SCHIP1: variants seen among roughly 807,000 people sequenced by gnomAD.
SCHIP1 encodes schwannomin interacting protein 1, also known as schwannomin-interacting protein 1.
A neutral mutation model predicts 29.7 loss-of-function variants in SCHIP1; 8 were observed. That is an observed-to-expected ratio of 0.27 (90% CI 0.16 to 0.49). The LOEUF (loss-of-function observed/expected upper bound fraction) is 0.49. Ranked by LOEUF, SCHIP1 falls within the 20% of genes least tolerant of loss-of-function variation. The pLI, the probability that SCHIP1 is intolerant of heterozygous loss-of-function variation, is 0.99. For missense variants in SCHIP1, 193 were observed against 294.6 expected (o/e 0.66, Z 2.52); for synonymous variants, 76 against 94.9 (o/e 0.80, Z 1.16).
chr3:159,313,420 G>A, the SCHIP1 span, among the ~76,000 whole-genome samples: 2 of 152,174 alleles, frequency 1.3e-5, no homozygotes, highest in Non-Finnish European at 2.9e-5. Flanking sequence ...TGGCACAAAT[G>A]CCACTGCTGC....
chr3:159,658,342 G>A, the SCHIP1 span, among the ~76,000 whole-genome samples: 1 of 152,130 alleles, frequency 6.6e-6, no homozygotes, highest in East Asian at 1.9e-4. Flanking sequence ...AGTGAGAAAG[G>A]GAACAGTGGC....
chr3:159,345,554 T>TCTCTCTCTCTCTCTC, the SCHIP1 span, among the ~76,000 whole-genome samples: 417 of 93,484 alleles, frequency 4.5e-3, 3 homozygotes, highest in South Asian at 0.021. Flanking sequence ...GTGTCTCTCT[T>TCTCTCTCTCTCTCTC]TCTCTCTCTC....
the SCHIP1 span, among the ~76,000 whole-genome samples, chr3:159,523,227 A>C: frequency 2.0e-5 from 3 of 152,346 alleles, no homozygotes; most frequent in Non-Finnish European, 2.9e-5. Context: ...GAAAAAACTA[A>C]TTTCTCAATA....
the SCHIP1 span, among the ~76,000 whole-genome samples, chr3:159,719,451 A>G: frequency 6.6e-6 from 1 of 152,222 alleles, no homozygotes; most frequent in African/African-American, 2.4e-5. Flanking sequence ...CAGGCAACCT[A>G]CAGAATGGGA....
At chr3:159,380,512 AT>A in the SCHIP1 span, among the ~76,000 whole-genome samples, 3 of 152,174 alleles carry the variant, frequency 2.0e-5, no homozygotes, top group Non-Finnish European at 4.4e-5. Flanking sequence ...TCCTTATGTC[AT>A]TGTTATACTA....
the SCHIP1 span, chr3:159,722,301 T>A: frequency 6.0e-6 from 1 of 165,356 alleles, no homozygotes; most frequent in Non-Finnish European, 1.3e-5. Context: ...CACCCTCTTG[T>A]CTCTTCCAGT....
the SCHIP1 span, among the ~76,000 whole-genome samples, chr3:159,728,280 C>G: frequency 6.0e-4 from 92 of 152,232 alleles, no homozygotes; most frequent in Admixed American, 1.8e-3. Context: ...ACCTTTATGT[C>G]TGGATTATCC....
At chr3:159,591,912 G>T in the SCHIP1 span, among the ~76,000 whole-genome samples, 1 of 150,766 alleles carries the variant, frequency 6.6e-6, no homozygotes, top group Non-Finnish European at 1.5e-5. Context: ...TTCTGCACAT[G>T]TATCCCCGAA....
At chr3:159,379,394 T>C in the SCHIP1 span, among the ~76,000 whole-genome samples, 1 of 152,138 alleles carries the variant, frequency 6.6e-6, no homozygotes, top group East Asian at 1.9e-4. Flanking sequence ...GCTAATTTTT[T>C]GTACCTTTAG....
the SCHIP1 span, among the ~76,000 whole-genome samples, chr3:159,609,998 A>G: frequency 6.6e-6 from 1 of 152,218 alleles, no homozygotes; most frequent in African/African-American, 2.4e-5. Context: ...CCTATGCCAC[A>G]TACTATACTA....
At chr3:159,822,363 A>AT in the SCHIP1 span, among the ~76,000 whole-genome samples, 3 of 152,036 alleles carry the variant, frequency 2.0e-5, no homozygotes, top group Non-Finnish European at 2.9e-5. Context: ...TATATGGGGT[A>AT]TAAGGCCTAG....
At chr3:159,589,652 C>A in the SCHIP1 span, among the ~76,000 whole-genome samples, 4 of 152,126 alleles carry the variant, frequency 2.6e-5, no homozygotes, top group Non-Finnish European at 5.9e-5. Context: ...GTGTACTAAG[C>A]GTTCTGTTAA....
chr3:159,522,905 C>T, the SCHIP1 span, among the ~76,000 whole-genome samples: 1 of 152,076 alleles, frequency 6.6e-6, no homozygotes, highest in African/African-American at 2.4e-5. Flanking sequence ...ACCACTGTGT[C>T]TGCTATATCA....
chr3:159,597,990 G>A, the SCHIP1 span, among the ~76,000 whole-genome samples: 1 of 152,132 alleles, frequency 6.6e-6, no homozygotes, highest in Admixed American at 6.6e-5. Flanking sequence ...AGAGAATAGT[G>A]AGCATAGGGG....
chr3:159,623,344 G>T, the SCHIP1 span, among the ~76,000 whole-genome samples: 1 of 152,148 alleles, frequency 6.6e-6, no homozygotes, highest in Non-Finnish European at 1.5e-5. Context: ...TTGTTATAAT[G>T]TTGTTTGAAT....
At chr3:159,571,771 T>C in the SCHIP1 span, among the ~76,000 whole-genome samples, 488 of 152,312 alleles carry the variant, frequency 3.2e-3, 6 homozygotes, top group Non-Finnish European at 1.3e-3. Flanking sequence ...TTTTTTTGGT[T>C]GGTAGGCTAT....
the SCHIP1 span, among the ~76,000 whole-genome samples, chr3:159,299,622 A>G: frequency 2.8e-4 from 43 of 152,180 alleles, no homozygotes; most frequent in Admixed American, 7.9e-4. Context: ...TTATATTTTC[A>G]ACATCTTTGT....
At chr3:159,549,179 A>G in the SCHIP1 span, among the ~76,000 whole-genome samples, 3 of 152,114 alleles carry the variant, frequency 2.0e-5, no homozygotes, top group African/African-American at 7.2e-5. Flanking sequence ...AGAAATTTGG[A>G]CCAAGATTAT....
the SCHIP1 span, among the ~76,000 whole-genome samples, chr3:159,687,889 C>T: frequency 3.9e-5 from 6 of 152,126 alleles, no homozygotes; most frequent in African/African-American, 9.7e-5. Context: ...CTGAGAATGA[C>T]GGTTTCCAGC....
Sources: allele counts gnomAD v4.1 joint callset (sites outside exome capture counted in the v4.1 genomes callset), GRCh38; gene constraint gnomAD v4.1.1; transcripts MANE v1.5; gene names NCBI Gene and HGNC (gene_info 2026-07-23, HGNC 2026-07-21).